Variants in SHROOM1 observed in about 807,000 individuals in gnomAD.
SHROOM1 encodes the protein protein Shroom1.
SHROOM1 carries 53 observed loss-of-function variants against 64.2 expected under a neutral mutation model. That is an observed-to-expected ratio of 0.83 (90% CI 0.66 to 1.04). The LOEUF (loss-of-function observed/expected upper bound fraction) is 1.04. SHROOM1 is among the 50% of genes least tolerant of loss of function. The pLI is 0.00. For missense variants in SHROOM1, 1,179 were observed against 1,163.2 expected (o/e 1.01, Z -0.20); for synonymous variants, 490 against 518.9 (o/e 0.94, Z 0.76).
intron 2 of SHROOM1, 36 bp from the exon 3 acceptor site, chr5:132,826,623 C>T (rs1361694617): frequency 1.3e-5 from 2 of 154,836 alleles, no homozygotes; most frequent in African/African-American, 4.8e-5. Flanking sequence ...CTTGTGACCT[C>T]AGGGGAGCTA....
Position 132,830,583 on chromosome 5 carries a change from C to A in SHROOM1, c.-501+11G>T. The A allele has an allele frequency of 1.0e-6, 1 of 985,640 alleles. No individual in the cohort carries two copies. The highest frequency in any genetic ancestry group is 4.6e-5 in the South Asian group (1 of 21,614). The allele number at this position is 985,640 out of a possible 1,614,324, so 61.1% of individuals were successfully genotyped here. The stretch of plus-strand genomic sequence containing the variant: ...CCGCCCGCTTCCCGCTCCCCCGCCC[C>A]CGCCGCGTACCTGAGGCTCCCGCCG... On this transcript the variant is annotated intron_variant, in intron 1 of 9. Coordinates refer to ENST00000378679, the MANE Select transcript of SHROOM1 (RefSeq NM_001172700.2). This position sits in a 1 kb window ranked among gnomAD's most constrained non-coding sequence, Gnocchi z 5.9.
In SHROOM1 at chr5:132,825,002, G is replaced by C. The variant is rs751705478; in HGVS notation, c.1034+16C>G. The C allele has an allele frequency of 5.6e-6, 9 of 1,613,872 alleles. No homozygotes were observed. Among genetic ancestry groups the C allele is most frequent in the Non-Finnish European group, 7.6e-6 (9 of 1,179,926 alleles). On this transcript the variant is annotated intron_variant, in intron 5 of 9. Coordinates refer to ENST00000378679, the MANE Select transcript of SHROOM1 (RefSeq NM_001172700.2). The surrounding 1 kb of genome is among the most constrained non-coding windows in gnomAD (Gnocchi z 5.1). The stretch of plus-strand genomic sequence containing the variant: ...GCTTCCCCCCAACTTGGTCCAGAGT[G>C]GTCCGTGTCTCTCACCTGGAAAGTT...
At chr5:132,828,070 A>G (rs531716197) in intron 1 of SHROOM1, among the ~76,000 whole-genome samples, 2 of 152,144 alleles carry the variant, frequency 1.3e-5, no homozygotes, top group East Asian at 3.9e-4. Context: ...GCTGCTTGGT[A>G]GGGAGTGCAG....
At position 132,822,942 on chromosome 5, in the gene SHROOM1, T is replaced by G; in HGVS notation, c.2413A>C (p.Asn805His). The part of the protein sequence containing the change: ...GKAAVLAQQR[N>H]LDERIRLLQD... ...AGGAGGCGGATGCGCTCGTCCAGGT[T>G]GCGCTGCTGGGCCAGGACGGCGGCC... The change falls in exon 10 of 10, where the codon AAC (asparagine) becomes CAC (histidine). Residue 805 changes from asparagine to histidine, a missense_variant. By Grantham distance (68) the Asn-to-His change is moderately conservative (BLOSUM62 1). Transcript: ENST00000378679. 1 of 1,612,520 alleles carries G rather than the reference T, an allele frequency of 6.2e-7. No individual in the cohort carries two copies. Among genetic ancestry groups the G allele is most frequent in the Non-Finnish European group, 8.5e-7 (1 of 1,179,890 alleles).
At position 132,823,523 on chromosome 5, in the gene SHROOM1, C is replaced by G; in HGVS notation, c.1954-1G>C. 6.3e-7 allele frequency: 1 copy of G among 1,598,258 alleles called. No homozygotes were observed. Among genetic ancestry groups the G allele is most frequent in the African/African-American group, 1.3e-5 (1 of 74,720 alleles). On this transcript the variant is annotated splice_acceptor_variant, in intron 8 of 9. Coordinates refer to ENST00000378679, the MANE Select transcript of SHROOM1 (RefSeq NM_001172700.2). LOFTEE classifies it high-confidence loss of function. This position sits in a 1 kb window ranked among gnomAD's most constrained non-coding sequence, Gnocchi z 4.6. Reference sequence around the variant, plus strand: ...TTTGGAGGCGGGCGGCCAGCTCCACCTACAGGGAAGGCTCAAGGCTGGGGC... The same window carrying G: ...TTTGGAGGCGGGCGGCCAGCTCCACGTACAGGGAAGGCTCAAGGCTGGGGC...
chr5:132,823,283 G>T lies in SHROOM1; in HGVS notation c.2193C>A (p.Ala731=). The part of the protein sequence containing the change: ...SRLARVRRAL[A]RAASDSDPDE... ...CAGGGTCGCTGTCTGAGGCCGCCCG[G>T]GCCAGGGCGCGGCGCACGCGCGCCA... Residue 731 remains alanine (A), a synonymous_variant, in exon 9 of 10, where the codon GCC becomes GCA. Transcript: ENST00000378679. The surrounding 1 kb of genome is among the most constrained non-coding windows in gnomAD (Gnocchi z 4.6). 1 of 1,600,264 alleles carries T rather than the reference G, an allele frequency of 6.2e-7. No individual in the cohort carries two copies.
rs2150024329 is a variant in SHROOM1 at position 132,822,348 on chromosome 5, T to C, written c.*448A>G. 1 of 135,340 alleles carries C rather than the reference T, an allele frequency of 7.4e-6. No individual in the cohort carries two copies. The highest frequency in any genetic ancestry group is 1.6e-5 in the Non-Finnish European group (1 of 64,322). 8.4% of individuals were successfully genotyped at this position (135,340 alleles called of 1,614,324 possible). A position where few individuals can be genotyped will look rare whatever the true frequency, so the allele number is the denominator to read the frequency against. On this transcript the variant is annotated 3_prime_UTR_variant, in exon 10 of 10. Transcript: ENST00000378679. ...GCCACATGAGAACACTTTGGAGAAGTATCTTTTTTTTTTTTTTTTTTTTTT... is the reference window on the plus strand; with the variant it reads ...GCCACATGAGAACACTTTGGAGAAGCATCTTTTTTTTTTTTTTTTTTTTTT...
Position 132,822,681 on chromosome 5 carries a change from G to C in SHROOM1, c.*115C>G. 8.0e-7 allele frequency: 1 copy of C among 1,248,378 alleles called. No homozygotes were observed. Among genetic ancestry groups the C allele is most frequent in the Middle Eastern group, 2.9e-4 (1 of 3,492 alleles). The allele number at this position is 1,248,378 out of a possible 1,614,324, so 77.3% of individuals were successfully genotyped here. A position where few individuals can be genotyped will look rare whatever the true frequency, so the allele number is the denominator to read the frequency against. On this transcript the variant is annotated 3_prime_UTR_variant, in exon 10 of 10. Coordinates refer to ENST00000378679, the MANE Select transcript of SHROOM1 (RefSeq NM_001172700.2). The stretch of plus-strand genomic sequence containing the variant: ...CCCGGCTGGAGGAGTATCTTAGAAA[G>C]GCCTGGACTGGGTCCTCCCCAATCC...
Position 132,830,431 on chromosome 5 carries a change from G to T in SHROOM1, c.-501+163C>A. ...TCCGACTCCACTGGCGCAACCTGACGCGGCGCCGAGCCAGACACGTCCCGG... is the reference window on the plus strand; with the variant it reads ...TCCGACTCCACTGGCGCAACCTGACTCGGCGCCGAGCCAGACACGTCCCGG... On this transcript the variant is annotated intron_variant, in intron 1 of 9. Transcript: ENST00000378679. This position sits in a 1 kb window ranked among gnomAD's most constrained non-coding sequence, Gnocchi z 5.9. 1 of 984,938 alleles carries T rather than the reference G, an allele frequency of 1.0e-6. No homozygotes were observed. Among genetic ancestry groups the T allele is most frequent in the Non-Finnish European group, 1.2e-6 (1 of 829,776 alleles). The allele number at this position is 984,938 out of a possible 1,614,324, so 61.0% of individuals were successfully genotyped here. A position where few individuals can be genotyped will look rare whatever the true frequency, so the allele number is the denominator to read the frequency against.
chr5:132,829,078 GT>G (rs1758779961), intron 1 of SHROOM1, among the ~76,000 whole-genome samples: 1 of 152,242 alleles, frequency 6.6e-6, no homozygotes, highest in Non-Finnish European at 1.5e-5. Flanking sequence ...GAGTTCAGAG[GT>G]GGAGCTCAAG....
Position 132,823,015 on chromosome 5 carries a change from T to C in SHROOM1, c.2340A>G (p.Ala780=), listed in dbSNP as rs780545635. The part of the protein sequence containing the change: ...ERAVREVLVR[A]LPVEELRVYC... ...AGACGCGCAGCTCCTCCACCGGTAG[T>C]GCTCGCACCAGCACCTCCCGCACGG... The change falls in exon 10 of 10, where the codon GCA becomes GCG. Residue 780 remains alanine, a synonymous_variant. Transcript: ENST00000378679. The surrounding 1 kb of genome is among the most constrained non-coding windows in gnomAD (Gnocchi z 4.6). 2 of 1,603,580 alleles carry C rather than the reference T, an allele frequency of 1.2e-6. No individual in the cohort carries two copies. Among genetic ancestry groups the C allele is most frequent in the Admixed American group, 3.3e-5 (2 of 59,976 alleles).
rs779885228 is a variant in SHROOM1, at chr5:132,822,813, G to A, written c.2542C>T (p.Pro848Ser). 8.7e-6 allele frequency: 14 copies of A among 1,607,900 alleles called. No homozygotes were observed. The highest frequency in any genetic ancestry group is 1.1e-5 in the Non-Finnish European group (13 of 1,177,484). Residue 848 changes from proline (P) to serine (S), a missense_variant, in exon 10 of 10, where the codon CCT becomes TCT. Pro to Ser is a moderately conservative substitution (Grantham distance 74, BLOSUM62 -1). Transcript: ENST00000378679. ...ACCTATAACTATGTAAGGAGAAGAG[G>A]GAAGGGCGGCTGAACTGGAGGACAG... ...GTCPPVQPPF[P>S]LLLT
Position 132,825,820 on chromosome 5 carries a change from C to G in SHROOM1, c.321G>C (p.Leu107=). ...PTEVPGTPGP[L]NRQATPLLYA... Reference sequence around the variant, plus strand: ...ACAGCAGCGGGGTGGCCTGCCTGTTCAGTGGTCCCGGGGTCCCCGGGACCT... The same window carrying G: ...ACAGCAGCGGGGTGGCCTGCCTGTTGAGTGGTCCCGGGGTCCCCGGGACCT... Residue 107 remains leucine, a synonymous_variant, in exon 4 of 10, where the codon CTG becomes CTC. Coordinates refer to ENST00000378679, the MANE Select transcript of SHROOM1 (RefSeq NM_001172700.2). The surrounding 1 kb of genome is among the most constrained non-coding windows in gnomAD (Gnocchi z 5.1). 1 of 1,257,334 alleles carries G rather than the reference C, an allele frequency of 8.0e-7. No individual in the cohort carries two copies. The highest frequency in any genetic ancestry group is 1.0e-6 in the Non-Finnish European group (1 of 1,001,732). The allele number at this position is 1,257,334 out of a possible 1,614,324, so 77.9% of individuals were successfully genotyped here.
chr5:132,824,802 CCT>C lies in SHROOM1; in HGVS notation c.1052_1053del (p.Glu351GlyfsTer16). On this transcript the variant is annotated frameshift_variant, in exon 6 of 10. Transcript: ENST00000378679. LOFTEE classifies it high-confidence loss of function. ...TKLSRFLPQK[E>X]AAVMYPAELP... ...AACTCTGCAGGATACATCACCGCAG[CCT>C]CTTTCTGAGGCAAGAACCTGGAGGC... 8 of 1,614,106 alleles carry C rather than the reference CCT, an allele frequency of 5.0e-6. No homozygotes were observed. Among genetic ancestry groups the C allele is most frequent in the Non-Finnish European group, 6.8e-6 (8 of 1,180,028 alleles).
chr5:132,830,094 G>A lies in SHROOM1; in HGVS notation c.-501+500C>T, dbSNP rs990292082. On this transcript the variant is annotated intron_variant, in intron 1 of 9. Transcript: ENST00000378679. The surrounding 1 kb of genome is among the most constrained non-coding windows in gnomAD (Gnocchi z 5.9). ...AGAGGCGCAGGCCCCGGCGGCCGCA[G>A]GGGGCGGCAGAGACACGCGGAGCGG... 2 of 985,170 alleles carry A rather than the reference G, an allele frequency of 2.0e-6. No individual in the cohort carries two copies. Among genetic ancestry groups the A allele is most frequent in the African/African-American group, 3.5e-5 (2 of 57,208 alleles). The allele number at this position is 985,170 out of a possible 1,614,324, so 61.0% of individuals were successfully genotyped here. A position where few individuals can be genotyped will look rare whatever the true frequency, so the allele number is the denominator to read the frequency against.
chr5:132,828,351 A>T (rs568122485), intron 1 of SHROOM1, among the ~76,000 whole-genome samples: 1 of 152,304 alleles, frequency 6.6e-6, no homozygotes. Flanking sequence ...GCATTTGTAT[A>T]TGCCTACTAA....
In SHROOM1 at chr5:132,823,434, CT is replaced by C; in HGVS notation, c.2041del (p.Arg681GlyfsTer29). On this transcript the variant is annotated frameshift_variant, in exon 9 of 10. Coordinates refer to ENST00000378679, the MANE Select transcript of SHROOM1 (RefSeq NM_001172700.2). LOFTEE classifies it high-confidence loss of function. The surrounding 1 kb of genome is among the most constrained non-coding windows in gnomAD (Gnocchi z 4.6). Reference sequence around the variant, plus strand: ...TGCAGCCTCCAGAGCCGCTTGGCGCCTGGCCCACGCTTGTGCCTCCCCCTGC... The same window carrying C: ...TGCAGCCTCCAGAGCCGCTTGGCGCCGGCCCACGCTTGTGCCTCCCCCTGC... ...RLQGEAQAWA[R>X]RQAALEAAVR... 1 of 1,611,990 alleles carries C rather than the reference CT, an allele frequency of 6.2e-7. No homozygotes were observed. Among genetic ancestry groups the C allele is most frequent in the African/African-American group, 1.3e-5 (1 of 75,070 alleles).
At position 132,830,467 on chromosome 5, in the gene SHROOM1, C is replaced by T. The variant is rs1242729148; in HGVS notation, c.-501+127G>A. 1.6e-5 allele frequency: 16 copies of T among 984,882 alleles called. No individual in the cohort carries two copies. Among genetic ancestry groups the T allele is most frequent in the Non-Finnish European group, 1.8e-5 (15 of 829,824 alleles). The allele number at this position is 984,882 out of a possible 1,614,324, so 61.0% of individuals were successfully genotyped here. On this transcript the variant is annotated intron_variant, in intron 1 of 9. Transcript: ENST00000378679. This position sits in a 1 kb window ranked among gnomAD's most constrained non-coding sequence, Gnocchi z 5.9. ...CCAGACACGTCCCGGCCGAACGATG[C>T]CCGGGCTGCCCCGCGACCACCGCCT...
intron 1 of SHROOM1, chr5:132,829,923 C>T (rs1396003657): frequency 3.0e-6 from 3 of 985,368 alleles, no homozygotes; most frequent in East Asian, 1.1e-4. Flanking sequence ...CGCTGCACCC[C>T]AGATGCAGAG....
Sources: allele counts gnomAD v4.1 joint callset (sites outside exome capture counted in the v4.1 genomes callset), GRCh38; gene constraint gnomAD v4.1.1; non-coding constraint Gnocchi (gnomAD v3.1); transcripts MANE v1.5; gene names NCBI Gene and HGNC (gene_info 2026-07-23, HGNC 2026-07-21).